Variants in NCAM1 observed in about 807,000 individuals in gnomAD.
NCAM1 encodes neural cell adhesion molecule 1, also known as antigen recognized by monoclonal antibody 5.1H11.
NCAM1 carries 14 observed loss-of-function variants against 109.8 expected under a neutral mutation model. The observed-to-expected ratio is 0.13, with a 90% CI of 0.08 to 0.20. The LOEUF (loss-of-function observed/expected upper bound fraction) is 0.20, where lower values mean the gene tolerates loss of function less well. Among genes scored for constraint, NCAM1 ranks in the 10% least tolerant of loss-of-function variants. NCAM1 has a pLI of 1.00. For synonymous variants in NCAM1, 418 were observed against 442.9 expected, an observed-to-expected ratio of 0.94 and a Z score of 0.70; for missense variants, 774 against 1,109.9, an observed-to-expected ratio of 0.70 and a Z score of 4.30.
At chr11:112,979,250 A>C (rs1940711) in intron 1 of NCAM1, among the ~76,000 whole-genome samples, 45,368 of 150,518 alleles carry the variant, frequency 0.3, 7,787 homozygotes, top group East Asian at 0.67. Context: ...AACAAAAAAA[A>C]CCTGTAATTT....
chr11:113,104,722 T>G (rs1940073244), intron 1 of NCAM1, among the ~76,000 whole-genome samples: 1 of 152,198 alleles, frequency 6.6e-6, no homozygotes, highest in Admixed American at 6.5e-5. Context: ...TTTGAACCTG[T>G]CGCTTTGGAA....
At chr11:113,067,909 T>G (rs1555084485) in intron 1 of NCAM1, among the ~76,000 whole-genome samples, 2 of 143,940 alleles carry the variant, frequency 1.4e-5, no homozygotes, top group South Asian at 2.2e-4. Flanking sequence ...ATAACAAGTT[T>G]TTTTTTTTTT....
chr11:113,202,255 G>A (rs782437024), intron 1 of NCAM1, 124 bp from the exon 2 acceptor site: 16 of 983,936 alleles, frequency 1.6e-5, no homozygotes, highest in Admixed American at 2.6e-5. Context: ...AAAGTCAGTT[G>A]GGAAGCCTAT....
At chr11:112,995,204 A>G (rs900979534) in intron 1 of NCAM1, among the ~76,000 whole-genome samples, 2 of 152,198 alleles carry the variant, frequency 1.3e-5, no homozygotes, top group Non-Finnish European at 2.9e-5. Flanking sequence ...CGCCACTGGA[A>G]TACATAAGCA....
chr11:113,070,268 A>T (rs1209097660), intron 1 of NCAM1, among the ~76,000 whole-genome samples: 1 of 152,142 alleles, frequency 6.6e-6, no homozygotes, highest in Non-Finnish European at 1.5e-5. Context: ...GGAAACTAAT[A>T]GCCAGGGAGG....
At chr11:113,260,026 A>G in intron 16 of NCAM1, 120 bp from the exon 17 acceptor site, 1 of 891,066 alleles carries the variant, frequency 1.1e-6, no homozygotes, top group Non-Finnish European at 1.7e-6. Flanking sequence ...TCTTATTTTC[A>G]TGATTTCATG....
intron 12 of NCAM1, 75 bp downstream of exon 12, chr11:113,232,889 T>G: frequency 7.6e-7 from 1 of 1,320,272 alleles, no homozygotes; most frequent in Non-Finnish European, 1.1e-6. Flanking sequence ...TTTGTGTACT[T>G]GAGTGATTCC....
intron 1 of NCAM1, among the ~76,000 whole-genome samples, chr11:113,144,608 C>G (rs1037808996): frequency 1.3e-5 from 2 of 152,044 alleles, no homozygotes; most frequent in Admixed American, 1.3e-4. Context: ...AAGAGCTGAC[C>G]CTACTCATTA....
chr11:113,143,894 C>T (rs1941921852), intron 1 of NCAM1, among the ~76,000 whole-genome samples: 1 of 152,162 alleles, frequency 6.6e-6, no homozygotes, highest in African/African-American at 2.4e-5. Flanking sequence ...AATGAAGATC[C>T]AGGAAAGAGC....
intron 1 of NCAM1, among the ~76,000 whole-genome samples, chr11:112,976,583 A>C (rs1951012629): frequency 6.6e-6 from 1 of 151,844 alleles, no homozygotes; most frequent in South Asian, 2.1e-4. Flanking sequence ...GGGAAACAAA[A>C]ATGTCTGGAA....
intron 1 of NCAM1, among the ~76,000 whole-genome samples, chr11:113,048,749 A>G (rs1953359108): frequency 6.6e-6 from 1 of 152,230 alleles, no homozygotes; most frequent in South Asian, 2.1e-4. Flanking sequence ...GTGATCTCAG[A>G]CAAGGTGCTT....
intron 7 of NCAM1, among the ~76,000 whole-genome samples, chr11:113,213,439 C>G (rs1159067214): frequency 6.6e-6 from 1 of 152,190 alleles, no homozygotes; most frequent in Non-Finnish European, 1.5e-5. Context: ...TTACCCAAAA[C>G]ATTTGGAAAA....
At position 113,043,817 on chromosome 11, in the gene NCAM1, C is replaced by A. The variant is rs767273449; in HGVS notation, c.52+82153C>A. On this transcript the variant is annotated intron_variant, in intron 1 of 19. Transcript: ENST00000316851. ...CCCCAGTCATATCTCCCTCCCCAAC[C>A]TGCAGGGCCCCCGCCTGACACAGCC... is the stretch of plus-strand genomic sequence containing the variant. Among the ~76,000 whole-genome samples, 4 of 152,184 alleles carry A rather than the reference C, an allele frequency of 2.6e-5. 1 individual carries two copies. The highest frequency in any genetic ancestry group is 2.6e-4 in the Admixed American group (4 of 15,286).
In NCAM1 at chr11:113,233,165, C is replaced by A; in HGVS notation, c.1541C>A (p.Ser514Tyr). The A allele has an allele frequency of 6.2e-7, 1 of 1,613,314 alleles. No individual in the cohort carries two copies. Among genetic ancestry groups the A allele is most frequent in the Non-Finnish European group, 8.5e-7 (1 of 1,179,784 alleles). Residue 514 changes from serine to tyrosine, a missense_variant, in exon 13 of 20, where the codon TCC becomes TAC. By Grantham distance (144) the Ser-to-Tyr change is moderately radical. Transcript: ENST00000316851. The surrounding 1 kb of genome is among the most constrained non-coding windows in gnomAD (Gnocchi z 4.5). Reference protein sequence around the residue: ...LVQADTPSSPSIDQVEPYSST... With the variant: ...LVQADTPSSPYIDQVEPYSST... The stretch of plus-strand genomic sequence containing the variant: ...CCCACAGACACCCCCTCTTCACCAT[C>A]CATCGACCAGGTGGAGCCATACTCC...
chr11:113,237,410 G>A (rs561213569), intron 14 of NCAM1, among the ~76,000 whole-genome samples: 1 of 152,342 alleles, frequency 6.6e-6, no homozygotes, highest in East Asian at 1.9e-4. Context: ...GTAGCTACAT[G>A]TAGGTATTCT....
chr11:113,009,653 C>G (rs60244972), intron 1 of NCAM1, among the ~76,000 whole-genome samples: 28,601 of 151,992 alleles, frequency 0.19, 3,041 homozygotes, highest in East Asian at 0.27. Flanking sequence ...CTCTCTAGGA[C>G]TCATCTCTAA....
intron 14 of NCAM1, among the ~76,000 whole-genome samples, chr11:113,245,301 G>T (rs1042140831): frequency 4.6e-5 from 7 of 152,134 alleles, no homozygotes; most frequent in African/African-American, 4.8e-5. Context: ...AATTAGCTGG[G>T]TATAGTAGCA....
chr11:113,019,318 ACT>A (rs1198342777), intron 1 of NCAM1, among the ~76,000 whole-genome samples: 26 of 151,920 alleles, frequency 1.7e-4, no homozygotes, highest in African/African-American at 5.8e-4. Context: ...CTGATGATAA[ACT>A]CTCTGCAGGC....
intron 1 of NCAM1, among the ~76,000 whole-genome samples, chr11:113,158,651 G>T (rs1388853476): frequency 2.0e-5 from 3 of 152,152 alleles, no homozygotes; most frequent in East Asian, 1.9e-4. Context: ...TTAAGTTGTG[G>T]TTTTGCAAGC....
Sources: gnomAD v4.1 joint callset for allele counts (sites outside exome capture counted in the v4.1 genomes callset) on GRCh38, gnomAD v4.1.1 for gene constraint, Gnocchi (gnomAD v3.1) non-coding constraint, MANE v1.5 for transcripts, NCBI Gene and HGNC (gene_info 2026-07-23, HGNC 2026-07-21) for gene names.